The following ZFHX4 variants were observed in gnomAD, a reference collection of about 807,000 sequenced individuals.
ZFHX4 encodes the protein zinc finger homeobox 4, also known as zinc finger homeobox protein 4.
In ZFHX4, 56 loss-of-function variants were observed where a neutral mutation model predicts 267.6. That is an observed-to-expected ratio of 0.21 (90% CI 0.17 to 0.26). ZFHX4 has a LOEUF of 0.26. ZFHX4 is among the 10% of genes least tolerant of loss of function. The pLI is 1.00. For missense variants in ZFHX4, 4,332 were observed against 4,420.0 expected (o/e 0.98, Z 0.56); for synonymous variants, 1,778 against 1,665.6 (o/e 1.07, Z -1.64).
chr8:76,748,178 G>T (rs1462006472), intron 3 of ZFHX4, among the ~76,000 whole-genome samples: 1 of 151,930 alleles, frequency 6.6e-6, no homozygotes, highest in African/African-American at 2.4e-5. Context: ...TTTTCATATG[G>T]ATGACTCATA....
At chr8:76,797,217 C>G (rs892723716) in intron 4 of ZFHX4, among the ~76,000 whole-genome samples, 1 of 152,198 alleles carries the variant, frequency 6.6e-6, no homozygotes, top group African/African-American at 2.4e-5. Flanking sequence ...AAAACTCACT[C>G]TGTTGGCACT....
At chr8:76,833,212 C>G in intron 4 of ZFHX4, 126 bp from the exon 5 acceptor site, 1 of 666,182 alleles carries the variant, frequency 1.5e-6, no homozygotes. Flanking sequence ...GTGCTGGAGA[C>G]TCACCTGAGC....
At chr8:76,860,172 AT>A (rs2131973310) in intron 10 of ZFHX4, among the ~76,000 whole-genome samples, 1 of 152,030 alleles carries the variant, frequency 6.6e-6, no homozygotes, top group Non-Finnish European at 1.5e-5. Flanking sequence ...TTTACTGCAA[AT>A]TTTTATAGGC....
At chr8:76,697,217 T>G (rs907447583) in intron 1 of ZFHX4, among the ~76,000 whole-genome samples, 3 of 152,018 alleles carry the variant, frequency 2.0e-5, no homozygotes, top group Non-Finnish European at 4.4e-5. Context: ...CATATATGAA[T>G]AGACAAAGGA....
In ZFHX4 at chr8:76,854,323, ACACCGG is replaced by A. The variant is rs769772949; in HGVS notation, c.7403_7408del (p.Thr2468_Val2470delinsIle). 5 of 1,613,592 alleles carry A rather than the reference ACACCGG, an allele frequency of 3.1e-6. No homozygotes were observed. The highest frequency in any genetic ancestry group is 4.2e-6 in the Non-Finnish European group (5 of 1,179,776). ...CGGAAGACCTCCCTCGGCCTCTCAA[ACACCGG>A]TCCCTTCCAGTCCACTGCAAATTTC... On this transcript the variant is annotated inframe_deletion, in exon 10 of 11. Transcript: ENST00000651372.
At chr8:76,807,558 T>C (rs1017046560) in intron 4 of ZFHX4, among the ~76,000 whole-genome samples, 3 of 152,050 alleles carry the variant, frequency 2.0e-5, no homozygotes, top group African/African-American at 7.2e-5. Flanking sequence ...AATTGGGCTA[T>C]AAGAGAGGTA....
At chr8:76,777,972 G>C (rs999741860) in intron 3 of ZFHX4, among the ~76,000 whole-genome samples, 1 of 151,088 alleles carries the variant, frequency 6.6e-6, no homozygotes, top group Non-Finnish European at 1.5e-5. Context: ...GTTCCTCTTA[G>C]GAGTGGGCTT....
intron 4 of ZFHX4, among the ~76,000 whole-genome samples, chr8:76,785,645 T>G (rs1810667887): frequency 6.6e-6 from 1 of 152,166 alleles, no homozygotes; most frequent in South Asian, 2.1e-4. Flanking sequence ...ACAATGATTA[T>G]AGACATTAAC....
Position 76,853,988 on chromosome 8 carries a change from C to G in ZFHX4, c.7067C>G (p.Thr2356Ser). 6.2e-7 allele frequency: 1 copy of G among 1,613,866 alleles called. No individual in the cohort carries two copies. Among genetic ancestry groups the G allele is most frequent in the African/African-American group, 1.3e-5 (1 of 75,010 alleles). The stretch of plus-strand genomic sequence containing the variant: ...CAAACAGAAGACTCCATGGATGCCA[C>G]TGATCAAGTGGTATACAAGCATTGC... Reference protein sequence around the residue: ...ESQTEDSMDATDQVVYKHCTV... With the variant: ...ESQTEDSMDASDQVVYKHCTV... Residue 2356 changes from threonine (T) to serine (S), a missense_variant, in exon 10 of 11, where the codon ACT (threonine) becomes AGT (serine). This residue lies in a region of ZFHX4 where 1,648 missense variants were observed against 1,625.0 expected (regional missense o/e 1.01). Coordinates refer to ENST00000651372, the MANE Select transcript of ZFHX4 (RefSeq NM_024721.5).
chr8:76,707,055 A>G (rs1808295783), intron 2 of ZFHX4, among the ~76,000 whole-genome samples: 3 of 152,210 alleles, frequency 2.0e-5, no homozygotes, highest in Admixed American at 2.0e-4. Context: ...GTATAGCATT[A>G]TTTTGAATTA....
chr8:76,846,151 T>A (rs1812358956), intron 6 of ZFHX4, among the ~76,000 whole-genome samples: 1 of 152,026 alleles, frequency 6.6e-6, no homozygotes, highest in Non-Finnish European at 1.5e-5. Context: ...GATGCCATAA[T>A]ATGAAACCTA....
At chr8:76,833,501 T>A (rs1811992338) in intron 5 of ZFHX4, 95 bp downstream of exon 5, 1 of 963,332 alleles carries the variant, frequency 1.0e-6, no homozygotes, top group Non-Finnish European at 1.6e-6. Flanking sequence ...TCTCTGGAAC[T>A]TCTCTAATTA....
chr8:76,808,760 T>TA (rs1811304339), intron 4 of ZFHX4, among the ~76,000 whole-genome samples: 1 of 152,180 alleles, frequency 6.6e-6, no homozygotes, highest in Non-Finnish European at 1.5e-5. Flanking sequence ...TTGTGTTCTA[T>TA]AAAAAATTGA....
At chr8:76,682,832 G>A (rs1807578166) in intron 1 of ZFHX4, among the ~76,000 whole-genome samples, 1 of 152,078 alleles carries the variant, frequency 6.6e-6, no homozygotes, top group Non-Finnish European at 1.5e-5. Flanking sequence ...GCTGGGAGCA[G>A]CTAAGGGAAA....
chr8:76,778,063 T>A (rs1810446069), intron 3 of ZFHX4, 145 bp from the exon 4 acceptor site: 2 of 623,642 alleles, frequency 3.2e-6, no homozygotes, highest in Non-Finnish European at 5.8e-6. Context: ...ACTTTTCAGG[T>A]GGTAGGCTGG....
In ZFHX4 at chr8:76,705,963, G is replaced by C. The variant is rs1483375108; in HGVS notation, c.1875G>C (p.Ser625=). The change falls in exon 2 of 11, where the codon TCG becomes TCC. Residue 625 remains serine, a synonymous_variant. Coordinates refer to ENST00000651372, the MANE Select transcript of ZFHX4 (RefSeq NM_024721.5). ...AGTGCGACACTGTGTTGGGGTCTTC[G>C]AGGTCTCTTGGTGGTCATATGACTA... The part of the protein sequence containing the change: ...CPKCDTVLGS[S]RSLGGHMTMM... 6 of 1,613,154 alleles carry C rather than the reference G, an allele frequency of 3.7e-6. No individual in the cohort carries two copies. The highest frequency in any genetic ancestry group is 5.1e-6 in the Non-Finnish European group (6 of 1,179,658).
In ZFHX4 at chr8:76,765,026, A is replaced by G. The variant is rs565548752; in HGVS notation, c.3094-13182A>G. On this transcript the variant is annotated intron_variant, in intron 3 of 10. Transcript: ENST00000651372. ...ACTTTCAGGCACCATCTCAGAGGCCAGTTTTCAATCTCGTAAAAATTTTAA... is the reference window on the plus strand; with the variant it reads ...ACTTTCAGGCACCATCTCAGAGGCCGGTTTTCAATCTCGTAAAAATTTTAA... 2.0e-5 allele frequency among the ~76,000 whole-genome samples: 3 copies of G among 152,276 alleles called. No individual in the cohort carries two copies. In the East Asian group the frequency reaches 5.8e-4, roughly 29 times the overall value.
At chr8:76,715,994 A>T (rs997735990) in intron 3 of ZFHX4, among the ~76,000 whole-genome samples, 1 of 152,192 alleles carries the variant, frequency 6.6e-6, no homozygotes, top group Admixed American at 6.5e-5. Context: ...TGATTGAAGA[A>T]CTATTTGTTC....
intron 4 of ZFHX4, among the ~76,000 whole-genome samples, chr8:76,780,348 AGCTT>A (rs1810515966): frequency 6.6e-6 from 1 of 152,208 alleles, no homozygotes; most frequent in Non-Finnish European, 1.5e-5. Flanking sequence ...GTCAGGAGTC[AGCTT>A]CTGGTTACTA....
Sources: allele counts gnomAD v4.1 joint callset (sites outside exome capture counted in the v4.1 genomes callset), GRCh38; gene constraint gnomAD v4.1.1; regional missense constraint gnomAD v4.1.1; transcripts MANE v1.5; gene names NCBI Gene and HGNC (gene_info 2026-07-23, HGNC 2026-07-21).